MGAT4A: variants seen among roughly 807,000 people sequenced by gnomAD.
MGAT4A encodes N-acetylglucosaminyltransferase IVa.
A neutral mutation model predicts 74.1 loss-of-function variants in MGAT4A; 33 were observed. The ratio of observed to expected loss-of-function variants is 0.45; its 90% CI spans 0.34 to 0.60. The LOEUF (loss-of-function observed/expected upper bound fraction) is 0.60, where lower values mean the gene tolerates loss of function less well. MGAT4A is among the 20% of genes least tolerant of loss of function. MGAT4A has a pLI of 0.02. For missense variants in MGAT4A, 479 were observed against 628.3 expected, an observed-to-expected ratio of 0.76 and a Z score of 2.54; for synonymous variants, 198 against 210.4, an observed-to-expected ratio of 0.94 and a Z score of 0.51.
chr2:98,648,240 T>C (rs1323521751), intron 8 of MGAT4A, among the ~76,000 whole-genome samples: 1 of 152,224 alleles, frequency 6.6e-6, no homozygotes, highest in Admixed American at 6.5e-5. Context: ...GGCTCACACC[T>C]GTAATCCCAG....
chr2:98,724,517 G>C (rs1368745156), intron 2 of MGAT4A, among the ~76,000 whole-genome samples: 1 of 152,220 alleles, frequency 6.6e-6, no homozygotes, highest in African/African-American at 2.4e-5. Context: ...GCAGAAGTTT[G>C]CAAAGAAGAA....
intron 1 of MGAT4A, among the ~76,000 whole-genome samples, chr2:98,729,204 C>G (rs1009425293): frequency 6.6e-6 from 1 of 150,678 alleles, no homozygotes; most frequent in African/African-American, 2.4e-5. Flanking sequence ...AGTTATGAAA[C>G]TCTGAAGATA....
intron 2 of MGAT4A, among the ~76,000 whole-genome samples, chr2:98,686,101 T>C (rs1207229601): frequency 6.6e-6 from 1 of 152,140 alleles, no homozygotes; most frequent in African/African-American, 2.4e-5. Flanking sequence ...AACACCAGTT[T>C]CAAAGGTCTC....
chr2:98,656,873 C>G (rs1701668828), intron 6 of MGAT4A, among the ~76,000 whole-genome samples: 1 of 152,016 alleles, frequency 6.6e-6, no homozygotes, highest in Non-Finnish European at 1.5e-5. Flanking sequence ...AAAACCAAAG[C>G]TCTTACATCT....
intron 8 of MGAT4A, among the ~76,000 whole-genome samples, chr2:98,651,547 G>A (rs1412476074): frequency 6.6e-6 from 1 of 151,928 alleles, no homozygotes; most frequent in Non-Finnish European, 1.5e-5. Flanking sequence ...TACAAAATGA[G>A]TATCTATTGA....
intron 4 of MGAT4A, among the ~76,000 whole-genome samples, chr2:98,674,054 A>T (rs1447474075): frequency 2.0e-5 from 3 of 152,204 alleles, no homozygotes; most frequent in Non-Finnish European, 4.4e-5. Context: ...GAAGGAAGGT[A>T]GTATATTATT....
chr2:98,621,561 T>A lies in MGAT4A; in HGVS notation c.*4005A>T, dbSNP rs1701060929. ...CACCCCCAGACAGTCTTCCTTTTGCTACATAACATGATATAATCATGGATC... is the reference window on the plus strand; with the variant it reads ...CACCCCCAGACAGTCTTCCTTTTGCAACATAACATGATATAATCATGGATC... On this transcript the variant is annotated 3_prime_UTR_variant, in exon 16 of 16. Coordinates refer to ENST00000393487, the MANE Select transcript of MGAT4A (RefSeq NM_012214.3). 1 of 1,549,730 alleles carries A rather than the reference T, an allele frequency of 6.5e-7. No individual in the cohort carries two copies. The highest frequency in any genetic ancestry group is 2.0e-5 in the Admixed American group (1 of 50,840).
chr2:98,684,705 A>G (rs1702105392), intron 2 of MGAT4A, among the ~76,000 whole-genome samples: 1 of 152,232 alleles, frequency 6.6e-6, no homozygotes, highest in South Asian at 2.1e-4. Flanking sequence ...AAAAGCACCA[A>G]TAAGTCACAT....
At chr2:98,693,917 A>G (rs1469260910) in intron 2 of MGAT4A, among the ~76,000 whole-genome samples, 3 of 152,124 alleles carry the variant, frequency 2.0e-5, no homozygotes, top group Admixed American at 6.5e-5. Context: ...AGAAGTCAGG[A>G]AAAAAAATTA....
In MGAT4A at chr2:98,633,916, C is replaced by A. The variant is rs1039344917; in HGVS notation, c.1468+1306G>T. Among the ~76,000 whole-genome samples, 43 of 152,092 alleles carry A rather than the reference C, an allele frequency of 2.8e-4. 1 individual carries two copies. Among genetic ancestry groups the A allele is most frequent in the African/African-American group, 9.7e-4 (40 of 41,406 alleles). Reference sequence around the variant, plus strand: ...CCAAATATAAAAATCATTCATCCACCAAAACTATAAAGAAAGTAGCCAGGG... The same window carrying A: ...CCAAATATAAAAATCATTCATCCACAAAAACTATAAAGAAAGTAGCCAGGG... On this transcript the variant is annotated intron_variant, in intron 14 of 15. Transcript: ENST00000393487.
At chr2:98,632,904 C>A (rs1173336632) in intron 14 of MGAT4A, among the ~76,000 whole-genome samples, 1 of 152,224 alleles carries the variant, frequency 6.6e-6, no homozygotes, top group Admixed American at 6.5e-5. Flanking sequence ...GAACTACAGG[C>A]ATGCACCACC....
chr2:98,712,675 G>A (rs761863172), intron 2 of MGAT4A, among the ~76,000 whole-genome samples: 1 of 152,144 alleles, frequency 6.6e-6, no homozygotes, highest in Non-Finnish European at 1.5e-5. Flanking sequence ...GGATTCACAC[G>A]CCAACCCCTC....
chr2:98,626,288 G>C (rs903156315), intron 14 of MGAT4A, among the ~76,000 whole-genome samples: 2 of 152,106 alleles, frequency 1.3e-5, no homozygotes, highest in African/African-American at 4.8e-5. Flanking sequence ...CTCAATACAA[G>C]TGTATTCTTT....
intron 2 of MGAT4A, among the ~76,000 whole-genome samples, chr2:98,719,172 G>A (rs1702631752): frequency 6.6e-6 from 1 of 152,050 alleles, no homozygotes; most frequent in Non-Finnish European, 1.5e-5. Context: ...GTCCTCCTGG[G>A]GTCAGAAAAA....
chr2:98,713,112 G>C (rs956042056), intron 2 of MGAT4A, among the ~76,000 whole-genome samples: 4 of 146,178 alleles, frequency 2.7e-5, no homozygotes, highest in African/African-American at 7.6e-5. Flanking sequence ...CAGTGAGCCT[G>C]GAGATGGAGG....
At chr2:98,680,417 G>A (rs1702043712) in intron 2 of MGAT4A, among the ~76,000 whole-genome samples, 2 of 152,164 alleles carry the variant, frequency 1.3e-5, no homozygotes, top group South Asian at 4.1e-4. Flanking sequence ...ACAGACTTAT[G>A]AAAAATGAAT....
At chr2:98,691,978 T>A (rs1475402156) in intron 2 of MGAT4A, among the ~76,000 whole-genome samples, 1 of 152,096 alleles carries the variant, frequency 6.6e-6, no homozygotes, top group Admixed American at 6.5e-5. Context: ...AGAATATGAA[T>A]ATAAAAAACA....
chr2:98,716,388 C>T (rs1011160016), intron 2 of MGAT4A, among the ~76,000 whole-genome samples: 3 of 152,090 alleles, frequency 2.0e-5, no homozygotes, highest in African/African-American at 7.2e-5. Flanking sequence ...GAGGCCAAGG[C>T]GGGTAGATCA....
At chr2:98,656,193 C>A in intron 7 of MGAT4A, 159 bp downstream of exon 7, 12 of 570,386 alleles carry the variant, frequency 2.1e-5, no homozygotes, top group Non-Finnish European at 3.4e-5. Flanking sequence ...TCTAAGAAAA[C>A]TCTACATTAT....
Sources: gnomAD v4.1 joint callset for allele counts (sites outside exome capture counted in the v4.1 genomes callset) on GRCh38, gnomAD v4.1.1 for gene constraint, MANE v1.5 for transcripts, NCBI Gene and HGNC (gene_info 2026-07-23, HGNC 2026-07-21) for gene names.